Variants in SPON1 observed in about 807,000 individuals in gnomAD.
SPON1 encodes the protein spondin-1.
Under a neutral mutation model 111.7 loss-of-function variants are expected in SPON1, and 52 were observed. That is an observed-to-expected ratio of 0.47 (90% confidence interval 0.37 to 0.59). The LOEUF is 0.59. SPON1 is among the 20% of genes least tolerant of loss of function. SPON1 has a pLI of 0.00. For missense variants in SPON1, 957 were observed against 1,068.5 expected (o/e 0.90, Z 1.46); for synonymous variants, 410 against 395.8 (o/e 1.04, Z -0.43).
Position 14,265,815 on chromosome 11 carries a change from A to G in SPON1, c.*128A>G. 3 of 1,087,468 alleles carry G rather than the reference A, an allele frequency of 2.8e-6. No homozygotes were observed. Among genetic ancestry groups the G allele is most frequent in the Non-Finnish European group, 3.9e-6 (3 of 765,728 alleles). The allele number at this position is 1,087,468 out of a possible 1,614,324, so 67.4% of individuals were successfully genotyped here. ...ATTTTTGCAGTGTGGTTCGCCCAGT[A>G]GTCTTGTGGATGCCAGAGACATCCT... On this transcript the variant is annotated 3_prime_UTR_variant, in exon 16 of 16. Coordinates refer to ENST00000576479, the MANE Select transcript of SPON1 (RefSeq NM_006108.4).
At chr11:14,081,899 G>T (rs1266610810) in intron 5 of SPON1, among the ~76,000 whole-genome samples, 1 of 152,074 alleles carries the variant, frequency 6.6e-6, no homozygotes, top group Non-Finnish European at 1.5e-5. Context: ...TGCAATCAAG[G>T]CTTGGGATCT....
At chr11:14,090,649 A>C (rs1849043622) in intron 5 of SPON1, among the ~76,000 whole-genome samples, 1 of 151,974 alleles carries the variant, frequency 6.6e-6, no homozygotes, top group African/African-American at 2.4e-5. Flanking sequence ...TGGGCTCAGG[A>C]GTGAAGCTGC....
rs1056285057 is a variant in SPON1, at chr11:14,136,302, G to C, written c.825+734G>C. ...TAGCCATCACTACCCACAAAAGCCT[G>C]TCCAGCCTGAGAGAGCACATGGCAG... On this transcript the variant is annotated intron_variant, in intron 6 of 15. Transcript: ENST00000576479. Among the ~76,000 whole-genome samples, 36 of 152,206 alleles carry C rather than the reference G, an allele frequency of 2.4e-4. 1 individual carries two copies. The highest frequency in any genetic ancestry group is 3.2e-3 in the Middle Eastern group (1 of 316).
chr11:13,978,155 C>T (rs73418489), intron 1 of SPON1, among the ~76,000 whole-genome samples: 2,762 of 152,244 alleles, frequency 0.018, 85 homozygotes, highest in African/African-American at 0.063. Context: ...GTTTCTGTAG[C>T]TGTGTAAGTC....
chr11:14,183,736 T>A (rs184571665), intron 6 of SPON1, among the ~76,000 whole-genome samples: 54 of 152,254 alleles, frequency 3.5e-4, no homozygotes, highest in Middle Eastern at 3.4e-3. Context: ...GCCCAAGGTC[T>A]CACAGCTGGC....
chr11:14,217,997 G>A (rs1315840608), intron 6 of SPON1, among the ~76,000 whole-genome samples: 12 of 152,122 alleles, frequency 7.9e-5, no homozygotes, highest in East Asian at 1.9e-4. Context: ...GGGCTCAGCC[G>A]TCTGTTTTAT....
chr11:14,025,850 G>C (rs1848514010), intron 2 of SPON1, among the ~76,000 whole-genome samples: 2 of 152,110 alleles, frequency 1.3e-5, no homozygotes, highest in Admixed American at 1.3e-4. Flanking sequence ...GGGTAACAGA[G>C]GTGGACCATA....
intron 2 of SPON1, among the ~76,000 whole-genome samples, chr11:14,010,937 G>C (rs1351756028): frequency 1.3e-5 from 2 of 152,156 alleles, no homozygotes; most frequent in Non-Finnish European, 2.9e-5. Context: ...CTTGATAAAC[G>C]GCAATATAGT....
chr11:13,975,619 G>A (rs541015079), intron 1 of SPON1, among the ~76,000 whole-genome samples: 6 of 152,244 alleles, frequency 3.9e-5, no homozygotes, highest in South Asian at 2.1e-4. Context: ...GGTGAAAGGG[G>A]CAGGGAGGTC....
chr11:14,212,478 G>GTTTAATTCCTT (rs1190055391), intron 6 of SPON1, among the ~76,000 whole-genome samples: 1 of 152,068 alleles, frequency 6.6e-6, no homozygotes, highest in African/African-American at 2.4e-5. Flanking sequence ...CATATAAGTG[G>GTTTAATTCCTT]TTTAATTCCT....
At chr11:14,160,299 T>G (rs1171137085) in intron 6 of SPON1, among the ~76,000 whole-genome samples, 1 of 139,908 alleles carries the variant, frequency 7.1e-6, no homozygotes, top group Admixed American at 7.9e-5. Flanking sequence ...AAAATATCAC[T>G]AAGTCAAAAA....
At chr11:14,022,141 C>A (rs1241678443) in intron 2 of SPON1, among the ~76,000 whole-genome samples, 2 of 152,112 alleles carry the variant, frequency 1.3e-5, no homozygotes, top group African/African-American at 2.4e-5. Context: ...AGCAGAGGGT[C>A]GTTATGAATT....
intron 2 of SPON1, among the ~76,000 whole-genome samples, chr11:14,039,952 T>A (rs1046308365): frequency 1.3e-5 from 2 of 152,260 alleles, no homozygotes; most frequent in South Asian, 2.1e-4. Flanking sequence ...TCAAATGTAG[T>A]AACATTAAAA....
intron 6 of SPON1, among the ~76,000 whole-genome samples, chr11:14,151,224 G>A (rs1847784355): frequency 6.6e-6 from 1 of 152,170 alleles, no homozygotes; most frequent in Non-Finnish European, 1.5e-5. Flanking sequence ...TCAAAGGTTA[G>A]CCTTTCATTC....
At chr11:14,036,600 G>A (rs1848595963) in intron 2 of SPON1, among the ~76,000 whole-genome samples, 1 of 152,164 alleles carries the variant, frequency 6.6e-6, no homozygotes, top group Non-Finnish European at 1.5e-5. Flanking sequence ...TACATGCCTG[G>A]AACTCAGAGA....
intron 2 of SPON1, among the ~76,000 whole-genome samples, chr11:14,010,327 T>C (rs989169473): frequency 6.6e-6 from 1 of 151,870 alleles, no homozygotes; most frequent in Non-Finnish European, 1.5e-5. Context: ...AGAGGATTCA[T>C]GTCTAGAGAT....
At position 14,064,240 on chromosome 11, in the gene SPON1, G is replaced by A. The variant is rs557524076; in HGVS notation, c.480-11105G>A. ...AAATATAAACATGCAATAAATCAAA[G>A]GATAATACAAGATATTAAATAAAGT... is the stretch of plus-strand genomic sequence containing the variant. On this transcript the variant is annotated intron_variant, in intron 3 of 15. Coordinates refer to ENST00000576479, the MANE Select transcript of SPON1 (RefSeq NM_006108.4). Among the ~76,000 whole-genome samples, 8 of 152,204 alleles carry A rather than the reference G, an allele frequency of 5.3e-5. No individual in the cohort carries two copies. The East Asian group carries it at 1.4e-3, about 26-fold the overall frequency.
At chr11:14,115,328 A>G (rs1197197530) in intron 5 of SPON1, among the ~76,000 whole-genome samples, 1 of 152,222 alleles carries the variant, frequency 6.6e-6, no homozygotes, top group African/African-American at 2.4e-5. Flanking sequence ...TTGTAAGTCT[A>G]TAGCTCAAAG....
intron 15 of SPON1, among the ~76,000 whole-genome samples, chr11:14,264,558 TTA>T (rs146424111): frequency 6.6e-6 from 1 of 152,358 alleles, no homozygotes; most frequent in Non-Finnish European, 1.5e-5. Context: ...TTCAGGATCC[TTA>T]TGATTAGGGA....
Sources: gnomAD v4.1 joint callset for allele counts (sites outside exome capture counted in the v4.1 genomes callset) on GRCh38, gnomAD v4.1.1 for gene constraint, MANE v1.5 for transcripts, NCBI Gene and HGNC (gene_info 2026-07-23, HGNC 2026-07-21) for gene names.